MAP3K5: variants seen among roughly 807,000 people sequenced by gnomAD.
MAP3K5 encodes mitogen-activated protein kinase kinase kinase 5.
MAP3K5 carries 56 observed loss-of-function variants against 158.7 expected under a neutral mutation model. The observed-to-expected ratio is 0.35, with a 90% CI of 0.28 to 0.44. MAP3K5 has a LOEUF of 0.44. Among genes scored for constraint, MAP3K5 ranks in the 20% least tolerant of loss-of-function variants. MAP3K5 has a pLI of 1.00. For synonymous variants in MAP3K5, 579 were observed against 601.7 expected, an observed-to-expected ratio of 0.96 and a Z score of 0.55; for missense variants, 1,294 against 1,674.8, an observed-to-expected ratio of 0.77 and a Z score of 3.97.
intron 5 of MAP3K5, 21 bp downstream of exon 5, chr6:136,697,198 T>C: frequency 6.3e-7 from 1 of 1,597,556 alleles, no homozygotes; most frequent in Non-Finnish European, 8.5e-7. Flanking sequence ...AACAAAGATT[T>C]CACTTTAAAC....
chr6:136,736,553 A>G (rs762653730), intron 1 of MAP3K5, among the ~76,000 whole-genome samples: 5 of 152,212 alleles, frequency 3.3e-5, no homozygotes, highest in Non-Finnish European at 7.4e-5. Flanking sequence ...AAAACTATTC[A>G]TTGTTAACTG....
intron 1 of MAP3K5, among the ~76,000 whole-genome samples, chr6:136,734,560 G>T (rs1283443096): frequency 6.6e-6 from 1 of 151,694 alleles, no homozygotes. Flanking sequence ...GAGTCTATAT[G>T]CATAAATTTA....
chr6:136,628,509 G>A (rs551648594), intron 14 of MAP3K5, among the ~76,000 whole-genome samples: 2 of 151,976 alleles, frequency 1.3e-5, no homozygotes, highest in East Asian at 3.9e-4. Context: ...GGACTCAGGT[G>A]CACACCACCA....
rs201980578 is a variant in MAP3K5 at position 136,765,505 on chromosome 6, ATC to A, written c.448+26203_448+26204del. ...ATTTATTTTTTATTTGTTTATTTTT[ATC>A]TTTTTTTATTTTTTTATTTTTTTGA... is the stretch of plus-strand genomic sequence containing the variant. On this transcript the variant is annotated intron_variant, in intron 1 of 29. Coordinates refer to ENST00000359015, the MANE Select transcript of MAP3K5 (RefSeq NM_005923.4). 6.8e-4 allele frequency among the ~76,000 whole-genome samples: 102 copies of A among 150,174 alleles called. No individual in the cohort carries two copies. The East Asian group carries it at 0.013, about 19-fold the overall frequency.
chr6:136,734,585 C>CA (rs1330188871), intron 1 of MAP3K5, among the ~76,000 whole-genome samples: 1 of 151,988 alleles, frequency 6.6e-6, no homozygotes, highest in African/African-American at 2.4e-5. Context: ...TCTATAAACT[C>CA]ATTTTGTATA....
intron 21 of MAP3K5, among the ~76,000 whole-genome samples, chr6:136,599,727 T>C (rs1775793815): frequency 6.6e-6 from 1 of 152,196 alleles, no homozygotes; most frequent in Admixed American, 6.5e-5. Flanking sequence ...CAGCACCGAA[T>C]GACAGAAGAA....
chr6:136,775,763 T>C (rs1213237888), intron 1 of MAP3K5, among the ~76,000 whole-genome samples: 3 of 152,214 alleles, frequency 2.0e-5, no homozygotes, highest in Non-Finnish European at 4.4e-5. Flanking sequence ...AATATACAAA[T>C]ACCACAGTGC....
At chr6:136,669,228 C>G in intron 8 of MAP3K5, 55 bp downstream of exon 8, 1 of 1,119,394 alleles carries the variant, frequency 8.9e-7, no homozygotes, top group Non-Finnish European at 1.4e-6. Context: ...TTTTTCTTTG[C>G]ACCAAGTTGG....
chr6:136,603,833 C>T (rs1775984665), intron 19 of MAP3K5, among the ~76,000 whole-genome samples: 1 of 152,230 alleles, frequency 6.6e-6, no homozygotes, highest in South Asian at 2.1e-4. Context: ...CCTGCCATTG[C>T]TCTCTGAGGT....
intron 25 of MAP3K5, among the ~76,000 whole-genome samples, chr6:136,576,148 A>C (rs947631355): frequency 1.5e-4 from 23 of 152,060 alleles, no homozygotes; most frequent in Admixed American, 1.5e-3. Flanking sequence ...ACGGATGCTT[A>C]TTTTATTCTA....
chr6:136,758,276 AATTAC>A, intron 1 of MAP3K5, among the ~76,000 whole-genome samples: 1 of 152,362 alleles, frequency 6.6e-6, no homozygotes, highest in African/African-American at 2.4e-5. Context: ...CACTAAAAAA[AATTAC>A]ATAACAAAGC....
At chr6:136,727,190 A>T (rs1782005365) in intron 1 of MAP3K5, among the ~76,000 whole-genome samples, 3 of 152,242 alleles carry the variant, frequency 2.0e-5, no homozygotes, top group African/African-American at 7.2e-5. Context: ...ATGTAATTAT[A>T]ATAAATTAAA....
intron 10 of MAP3K5, 37 bp downstream of exon 10, chr6:136,656,270 A>G (rs1778742485): frequency 1.3e-6 from 2 of 1,590,940 alleles, no homozygotes; most frequent in Middle Eastern, 3.3e-4. Context: ...TTCTTTAAAT[A>G]AAGAAATGTA....
chr6:136,726,676 A>G (rs1781981910), intron 1 of MAP3K5, among the ~76,000 whole-genome samples: 1 of 152,082 alleles, frequency 6.6e-6, no homozygotes. Flanking sequence ...CAACATGTAG[A>G]TCCTGCACAT....
chr6:136,595,755 G>A (rs1314457690), intron 21 of MAP3K5, among the ~76,000 whole-genome samples: 2 of 152,150 alleles, frequency 1.3e-5, no homozygotes, highest in African/African-American at 2.4e-5. Context: ...GGTGGCTCAC[G>A]GCTGTAATCC....
intron 21 of MAP3K5, chr6:136,592,899 T>A: frequency 2.1e-6 from 1 of 472,372 alleles, no homozygotes; most frequent in Non-Finnish European, 4.1e-6. Flanking sequence ...ACTGAGGGTC[T>A]GATCCCCTCA....
chr6:136,696,175 A>C, intron 5 of MAP3K5, 118 bp from the exon 6 acceptor site: 1 of 597,396 alleles, frequency 1.7e-6, no homozygotes, highest in Non-Finnish European at 3.0e-6. Context: ...AGACACTAGA[A>C]TCCACAGAAC....
rs995176782 is a variant in MAP3K5, at chr6:136,609,579, G to A, written c.2521+1703C>T. 3.9e-4 allele frequency among the ~76,000 whole-genome samples: 60 copies of A among 152,170 alleles called. No homozygotes were observed. Among genetic ancestry groups the A allele is most frequent in the African/African-American group, 1.4e-3 (57 of 41,510 alleles). ...AGTCCAAGGCAGGTGGATCACTTGA[G>A]GTCAGGAGTTTGAGACCAGCCTGGG... On this transcript the variant is annotated intron_variant, in intron 18 of 29. Coordinates refer to ENST00000359015, the MANE Select transcript of MAP3K5 (RefSeq NM_005923.4). This position sits in a 1 kb window ranked among gnomAD's most constrained non-coding sequence, Gnocchi z 4.4.
At chr6:136,748,013 G>A in intron 1 of MAP3K5, among the ~76,000 whole-genome samples, 1 of 152,124 alleles carries the variant, frequency 6.6e-6, no homozygotes, top group East Asian at 1.9e-4. Context: ...CATGATCTAA[G>A]AGATGGATTT....
Sources: allele counts gnomAD v4.1 joint callset (sites outside exome capture counted in the v4.1 genomes callset), GRCh38; gene constraint gnomAD v4.1.1; non-coding constraint Gnocchi (gnomAD v3.1); transcripts MANE v1.5; gene names NCBI Gene and HGNC (gene_info 2026-07-23, HGNC 2026-07-21).